The following SMN1 variants were observed in gnomAD, a reference collection of about 807,000 sequenced individuals.
SMN1 encodes the protein survival motor neuron protein.
For missense variants in SMN1, 15 were observed against 17.1 expected (o/e 0.88, Z 0.22); for synonymous variants, 3 against 5.1 (o/e 0.58, Z 0.56).
At chr5:70,963,872 T>A in the SMN1 span, among the ~76,000 whole-genome samples, 3 of 96,558 alleles carry the variant, frequency 3.1e-5, 1 homozygote, top group Non-Finnish European at 6.8e-5. Context: ...GAGGGTAAGT[T>A]TCAAACTTTT....
Position 70,951,933 on chromosome 5 carries a change from C to T in SMN1, c.835-8C>T, listed in dbSNP as rs200146682. ...TATTTTTTTTAACTTCCTTTATTTT[C>T]CTTACAGGGTTTCAGACAAAATCAA... On this transcript the variant is annotated splice_region_variant and splice_polypyrimidine_tract_variant and intron_variant, in intron 7 of 8. Transcript: ENST00000380707. 1.2e-6 allele frequency: 2 copies of T among 1,611,942 alleles called. No homozygotes were observed. The highest frequency in any genetic ancestry group is 1.3e-5 in the African/African-American group (1 of 74,864).
the SMN1 span, among the ~76,000 whole-genome samples, chr5:70,960,764 C>T: frequency 2.7e-5 from 4 of 146,774 alleles, no homozygotes; most frequent in East Asian, 2.0e-4. Context: ...GGCATAATCT[C>T]GGCTCACTGC....
the SMN1 span, among the ~76,000 whole-genome samples, chr5:70,960,155 G>A: frequency 1.3e-5 from 2 of 150,658 alleles, no homozygotes; most frequent in Non-Finnish European, 3.0e-5. Context: ...ATGTGTTTAA[G>A]AACTTTTAAT....
chr5:70,955,124 G>C (rs1749870441), downstream of SMN1, among the ~76,000 whole-genome samples: 1 of 144,812 alleles, frequency 6.9e-6, no homozygotes, highest in Non-Finnish European at 1.5e-5. Context: ...GAGGCAAAAG[G>C]ATCACTTGAG....
chr5:70,960,293 C>T, the SMN1 span, among the ~76,000 whole-genome samples: 1 of 147,384 alleles, frequency 6.8e-6, no homozygotes, highest in African/African-American at 2.5e-5. Context: ...TGTAAAGGCA[C>T]CTACTTGCTA....
intron 7 of SMN1, among the ~76,000 whole-genome samples, chr5:70,950,199 C>T (rs1248216373): frequency 1.5e-4 from 22 of 150,120 alleles, no homozygotes; most frequent in Middle Eastern, 3.4e-3. Context: ...GGGTGAATCA[C>T]CTGAAGTCGG....
At chr5:70,943,463 A>G (rs866439758) in intron 5 of SMN1, among the ~76,000 whole-genome samples, 23 of 10,424 alleles carry the variant, frequency 2.2e-3, no homozygotes, top group South Asian at 0.019. Flanking sequence ...AAAACAAAAC[A>G]AAACAAAAAA....
At chr5:70,958,997 G>C in the SMN1 span, among the ~76,000 whole-genome samples, 1 of 150,456 alleles carries the variant, frequency 6.6e-6, no homozygotes, top group Non-Finnish European at 1.5e-5. Flanking sequence ...CAAAGACTTG[G>C]AACGAACCCA....
intron 1 of SMN1, among the ~76,000 whole-genome samples, chr5:70,935,769 AAAAC>A (rs1174740636): frequency 6.9e-6 from 1 of 144,268 alleles, no homozygotes; most frequent in Non-Finnish European, 1.5e-5. Flanking sequence ...AAAACAAAAC[AAAAC>A]AAAAAAAAAA....
chr5:70,957,595 T>C (rs989586380), downstream of SMN1, among the ~76,000 whole-genome samples: 3 of 143,470 alleles, frequency 2.1e-5, no homozygotes, highest in South Asian at 2.3e-4. Context: ...TTGTCTTTGG[T>C]TCTGTTTATA....
chr5:70,955,301 G>A (rs1749877881), downstream of SMN1, among the ~76,000 whole-genome samples: 1 of 141,140 alleles, frequency 7.1e-6, no homozygotes, highest in African/African-American at 2.6e-5. Context: ...GTAGTGACAT[G>A]ATCTATGTTG....
chr5:70,963,878 CTTTTTTTTTTTTT>C, the SMN1 span, among the ~76,000 whole-genome samples: 1,778 of 68,980 alleles, frequency 0.026, 1 homozygote, highest in Middle Eastern at 0.053. Flanking sequence ...AAGTTTCAAA[CTTTTTTTTTTTTT>C]TTTTTTTTTT....
downstream of SMN1, among the ~76,000 whole-genome samples, chr5:70,955,745 A>G (rs1182737316): frequency 6.7e-6 from 1 of 148,390 alleles, no homozygotes; most frequent in African/African-American, 2.5e-5. Context: ...AGATCATGCC[A>G]CTACACTCCA....
At chr5:70,952,038 A>G (rs757920139) in intron 8 of SMN1, 44 bp downstream of exon 8, 2 of 1,609,414 alleles carry the variant, frequency 1.2e-6, no homozygotes, top group South Asian at 2.2e-5. Flanking sequence ...CTTTTGTAAA[A>G]CTTTATGGTT....
chr5:70,955,623 T>C (rs1749886152), downstream of SMN1, among the ~76,000 whole-genome samples: 1 of 140,162 alleles, frequency 7.1e-6, no homozygotes, highest in Non-Finnish European at 1.5e-5. Flanking sequence ...CTACTAAAAA[T>C]ACAAAAAAAA....
In SMN1 at chr5:70,943,805, T is replaced by C. The variant is rs1271758905; in HGVS notation, c.628-853T>C. Among the ~76,000 whole-genome samples the C allele has an allele frequency of 2.6e-3, 376 of 145,336 alleles. 3 individuals are homozygous for C. Among genetic ancestry groups the C allele is most frequent in the African/African-American group, 8.8e-3 (361 of 40,970 alleles). On this transcript the variant is annotated intron_variant, in intron 5 of 8. Coordinates refer to ENST00000380707, the MANE Select transcript of SMN1 (RefSeq NM_000344.4). ...GTATTTAGGCAATTTTTTTTTTTTT[T>C]CGAGATGGAGTCTTGCTCTGTCGCT...
chr5:70,955,633 A>C (rs1296561597), downstream of SMN1, among the ~76,000 whole-genome samples: 2 of 144,502 alleles, frequency 1.4e-5, no homozygotes, highest in East Asian at 4.2e-4. Flanking sequence ...TACAAAAAAA[A>C]AATTAGCTCG....
downstream of SMN1, among the ~76,000 whole-genome samples, chr5:70,954,906 A>AAAAAAAAAAT: frequency 4.2e-5 from 1 of 23,898 alleles, no homozygotes; most frequent in Non-Finnish European, 9.1e-5. Context: ...AAAAAAACAA[A>AAAAAAAAAAT]ACACGTTACT....
chr5:70,959,121 T>C, the SMN1 span, among the ~76,000 whole-genome samples: 4 of 149,830 alleles, frequency 2.7e-5, no homozygotes, highest in Admixed American at 1.3e-4. Context: ...ATGGATGAAA[T>C]TGGAAATCAT....
Sources: gnomAD v4.1 joint callset for allele counts (sites outside exome capture counted in the v4.1 genomes callset) on GRCh38, gnomAD v4.1.1 for gene constraint, MANE v1.5 for transcripts, NCBI Gene and HGNC (gene_info 2026-07-23, HGNC 2026-07-21) for gene names.